Variants in CORIN observed in about 807,000 individuals in gnomAD.
CORIN encodes the protein corin, serine peptidase.
A neutral mutation model predicts 125.3 loss-of-function variants in CORIN; 117 were observed. The observed-to-expected ratio is 0.93, with a 90% CI of 0.80 to 1.09. The LOEUF (loss-of-function observed/expected upper bound fraction) is 1.09. Ranked by LOEUF, CORIN falls within the 50% of genes least tolerant of loss-of-function variation. CORIN has a pLI of 0.00. For missense variants in CORIN, 1,253 were observed against 1,306.7 expected, an observed-to-expected ratio of 0.96 and a Z score of 0.63; for synonymous variants, 450 against 466.4, an observed-to-expected ratio of 0.96 and a Z score of 0.45.
At chr4:47,817,282 A>G (rs1204295165) in intron 1 of CORIN, among the ~76,000 whole-genome samples, 1 of 119,148 alleles carries the variant, frequency 8.4e-6, no homozygotes, top group African/African-American at 3.5e-5. Flanking sequence ...TACTAACTAT[A>G]TATATATAAC....
chr4:47,617,089 A>T (rs1177687585), intron 19 of CORIN, among the ~76,000 whole-genome samples: 1 of 152,176 alleles, frequency 6.6e-6, no homozygotes, highest in Non-Finnish European at 1.5e-5. Flanking sequence ...TTATTCATGA[A>T]GTATAAGGTG....
chr4:47,666,671 T>C lies in CORIN; in HGVS notation c.1358-1408A>G, dbSNP rs200566270. Reference sequence around the variant, plus strand: ...CATTTATATGGGATTAAAGTCCTTATAAGAAGGAGAAGAGACTAAAGCTCT... The same window carrying C: ...CATTTATATGGGATTAAAGTCCTTACAAGAAGGAGAAGAGACTAAAGCTCT... On this transcript the variant is annotated intron_variant, in intron 10 of 21. Transcript: ENST00000273857. Among the ~76,000 whole-genome samples, 7 of 152,100 alleles carry C rather than the reference T, an allele frequency of 4.6e-5. No homozygotes were observed. In the East Asian group the frequency reaches 7.7e-4, roughly 17 times the overall value.
intron 6 of CORIN, among the ~76,000 whole-genome samples, chr4:47,689,244 A>G (rs1269657743): frequency 6.6e-6 from 1 of 152,208 alleles, no homozygotes; most frequent in Non-Finnish European, 1.5e-5. Flanking sequence ...TACTGCATGC[A>G]AGACATTGGT....
intron 20 of CORIN, among the ~76,000 whole-genome samples, chr4:47,602,035 G>A (rs1479585692): frequency 6.6e-6 from 1 of 151,594 alleles, no homozygotes; most frequent in Non-Finnish European, 1.5e-5. Context: ...TAAGTTTCAG[G>A]TGGGTGGATC....
intron 5 of CORIN, among the ~76,000 whole-genome samples, chr4:47,729,521 C>T (rs1727759588): frequency 6.6e-6 from 1 of 152,050 alleles, no homozygotes; most frequent in African/African-American, 2.4e-5. Context: ...AAAACAAAAA[C>T]ATTAGGAGAA....
intron 10 of CORIN, among the ~76,000 whole-genome samples, chr4:47,673,228 T>A (rs189024329): frequency 3.8e-4 from 56 of 146,580 alleles, no homozygotes; most frequent in East Asian, 7.9e-4. Flanking sequence ...ATAAATAAAT[T>A]AGCTGGGTGT....
At chr4:47,823,358 G>A in intron 1 of CORIN, among the ~76,000 whole-genome samples, 1 of 152,012 alleles carries the variant, frequency 6.6e-6, no homozygotes, top group East Asian at 1.9e-4. Flanking sequence ...ATCACCCTTG[G>A]AATCAGCCAT....
At chr4:47,791,548 C>G (rs977118968) in intron 2 of CORIN, among the ~76,000 whole-genome samples, 4 of 152,048 alleles carry the variant, frequency 2.6e-5, no homozygotes, top group Non-Finnish European at 4.4e-5. Context: ...TCCAATAATC[C>G]TATAAAACAG....
intron 5 of CORIN, among the ~76,000 whole-genome samples, chr4:47,743,940 G>A (rs1265283333): frequency 1.3e-5 from 2 of 151,852 alleles, no homozygotes; most frequent in Non-Finnish European, 2.9e-5. Flanking sequence ...TGTAATAGCT[G>A]AAAATTGGAT....
At chr4:47,784,009 C>G (rs1486350536) in intron 3 of CORIN, among the ~76,000 whole-genome samples, 1 of 152,042 alleles carries the variant, frequency 6.6e-6, no homozygotes, top group Non-Finnish European at 1.5e-5. Context: ...GTCCTAAGAT[C>G]TGAATCAAAA....
intron 5 of CORIN, among the ~76,000 whole-genome samples, chr4:47,732,802 A>T (rs988511789): frequency 6.6e-6 from 1 of 152,074 alleles, no homozygotes; most frequent in African/African-American, 2.4e-5. Context: ...ACCTCAAGTG[A>T]TCCACCATCC....
At chr4:47,606,657 T>C (rs12651504) in intron 19 of CORIN, among the ~76,000 whole-genome samples, 33 of 148,072 alleles carry the variant, frequency 2.2e-4, no homozygotes, top group Middle Eastern at 6.9e-3. Flanking sequence ...TCTTCCCTCC[T>C]TCCTTCCTTC....
intron 4 of CORIN, among the ~76,000 whole-genome samples, chr4:47,746,051 T>C (rs1470791371): frequency 6.6e-6 from 1 of 152,238 alleles, no homozygotes; most frequent in Non-Finnish European, 1.5e-5. Context: ...AAAATATGAA[T>C]TGGTTCAGGC....
At chr4:47,715,273 A>C (rs1163692491) in intron 5 of CORIN, among the ~76,000 whole-genome samples, 1 of 152,196 alleles carries the variant, frequency 6.6e-6, no homozygotes, top group African/African-American at 2.4e-5. Flanking sequence ...ATTAGAACCT[A>C]TCTCTCCAAG....
rs749700191 is a variant in CORIN at position 47,623,690 on chromosome 4, C to A, written c.2421G>T (p.Thr807=). Residue 807 remains threonine, a synonymous_variant, in exon 19 of 22, where the codon ACG becomes ACT. Coordinates refer to ENST00000273857, the MANE Select transcript of CORIN (RefSeq NM_006587.4). ...GCCATGGCCACCTTCCAGGGCGACT[C>A]GTCCGACCTCCAAGGATCCTTTTGT... is the stretch of plus-strand genomic sequence containing the variant. ...RMNKRILGGR[T]SRPGRWPWQC... The A allele has an allele frequency of 2.5e-6, 4 of 1,614,114 alleles. No homozygotes were observed. In the African/African-American group the frequency reaches 5.3e-5, roughly 22 times the overall value.
In CORIN at chr4:47,594,613, G is replaced by C. The variant is rs1013779187; in HGVS notation, c.*1108C>G. 2.0e-5 allele frequency: 3 copies of C among 152,120 alleles called. No homozygotes were observed. Among genetic ancestry groups the C allele is most frequent in the Non-Finnish European group, 4.4e-5 (3 of 67,998 alleles). The allele number at this position is 152,120 out of a possible 1,614,324, so 9.4% of individuals were successfully genotyped here. A position where few individuals can be genotyped will look rare whatever the true frequency, so the allele number is the denominator to read the frequency against. Reference sequence around the variant, plus strand: ...TACAAAATGTTTTACTCCATGCAAAGTCTTACTGTGCTCTAAAATATGCTC... The same window carrying C: ...TACAAAATGTTTTACTCCATGCAAACTCTTACTGTGCTCTAAAATATGCTC... On this transcript the variant is annotated 3_prime_UTR_variant, in exon 22 of 22. Coordinates refer to ENST00000273857, the MANE Select transcript of CORIN (RefSeq NM_006587.4).
intron 13 of CORIN, among the ~76,000 whole-genome samples, chr4:47,649,920 C>T (rs1325022802): frequency 6.6e-6 from 1 of 152,150 alleles, no homozygotes; most frequent in African/African-American, 2.4e-5. Context: ...GGTCTCCTCC[C>T]CAGACAAAGA....
At position 47,776,285 on chromosome 4, in the gene CORIN, G is replaced by A. The variant is rs927410789; in HGVS notation, c.409+10440C>T. Among the ~76,000 whole-genome samples, 10 of 144,558 alleles carry A rather than the reference G, an allele frequency of 6.9e-5. No individual in the cohort carries two copies. In the South Asian group the frequency reaches 1.1e-3, roughly 16 times the overall value. 94.8% of individuals were successfully genotyped at this position (144,558 alleles called of 152,430 possible). A position where few individuals can be genotyped will look rare whatever the true frequency, so the allele number is the denominator to read the frequency against. ...CCACCTCAGCCTCCCAAAGTGCTAG[G>A]ATTTTGGGGGGTTTTTTTGAGTCAA... On this transcript the variant is annotated intron_variant, in intron 3 of 21. Coordinates refer to ENST00000273857, the MANE Select transcript of CORIN (RefSeq NM_006587.4).
chr4:47,605,778 T>G (rs1721624992), intron 19 of CORIN, among the ~76,000 whole-genome samples: 1 of 152,100 alleles, frequency 6.6e-6, no homozygotes, highest in Admixed American at 6.6e-5. Flanking sequence ...TTTTAAGAGC[T>G]CTCTAGGGAA....
Sources: allele counts gnomAD v4.1 joint callset (sites outside exome capture counted in the v4.1 genomes callset), GRCh38; gene constraint gnomAD v4.1.1; transcripts MANE v1.5; gene names NCBI Gene and HGNC (gene_info 2026-07-23, HGNC 2026-07-21).